Variants in LARGE1 observed in about 807,000 individuals in gnomAD.
LARGE1 encodes the protein xylosyl- and glucuronyltransferase LARGE1.
A neutral mutation model predicts 87.6 loss-of-function variants in LARGE1; 43 were observed. The ratio of observed to expected loss-of-function variants is 0.49; its 90% CI spans 0.38 to 0.63. LARGE1 has a LOEUF of 0.63. Among genes scored for constraint, LARGE1 ranks in the 30% least tolerant of loss-of-function variants. The pLI, the probability that LARGE1 is intolerant of heterozygous loss-of-function variation, is 0.00. For missense variants in LARGE1, 802 were observed against 1,000.2 expected, an observed-to-expected ratio of 0.80 and a Z score of 2.67; for synonymous variants, 434 against 394.6, an observed-to-expected ratio of 1.10 and a Z score of -1.18.
At chr22:33,712,397 G>C (rs770417068) in intron 2 of LARGE1, among the ~76,000 whole-genome samples, 2 of 152,092 alleles carry the variant, frequency 1.3e-5, no homozygotes, top group Non-Finnish European at 2.9e-5. Flanking sequence ...CAGGCTCGAA[G>C]GCTTCTAGAG....
the LARGE1 span, among the ~76,000 whole-genome samples, chr22:33,089,470 T>TTCTTCTTCTTCC: frequency 6.6e-6 from 1 of 150,590 alleles, no homozygotes; most frequent in South Asian, 2.1e-4. Context: ...CTTCCTCTTC[T>TTCTTCTTCTTCC]TCTTCCTCTT....
chr22:33,136,942 AAAAT>A, the LARGE1 span, among the ~76,000 whole-genome samples: 1 of 152,238 alleles, frequency 6.6e-6, no homozygotes, highest in East Asian at 1.9e-4. Flanking sequence ...GGTAAAAAAA[AAAAT>A]AAACTGGAGA....
At chr22:33,464,340 G>A (rs185043568) in intron 6 of LARGE1, among the ~76,000 whole-genome samples, 86 of 152,044 alleles carry the variant, frequency 5.7e-4, no homozygotes, top group Non-Finnish European at 7.5e-4. Context: ...TTCATAAGTC[G>A]AATCCAAAAA....
At chr22:33,813,682 C>G (rs917306962) in intron 1 of LARGE1, among the ~76,000 whole-genome samples, 2 of 152,180 alleles carry the variant, frequency 1.3e-5, no homozygotes, top group African/African-American at 4.8e-5. Context: ...GTAAAGATCT[C>G]ATGGTGAAAT....
At chr22:33,812,606 C>T (rs763051762) in intron 1 of LARGE1, among the ~76,000 whole-genome samples, 1 of 152,208 alleles carries the variant, frequency 6.6e-6, no homozygotes, top group African/African-American at 2.4e-5. Context: ...GCACAGATGG[C>T]GCAGGCCTCA....
At chr22:33,736,078 A>G (rs1294060059) in intron 2 of LARGE1, among the ~76,000 whole-genome samples, 1 of 152,188 alleles carries the variant, frequency 6.6e-6, no homozygotes, top group African/African-American at 2.4e-5. Flanking sequence ...CTTGGTTATC[A>G]TGAATAATGC....
At chr22:33,519,574 G>A (rs963474762) in intron 6 of LARGE1, among the ~76,000 whole-genome samples, 1 of 152,036 alleles carries the variant, frequency 6.6e-6, no homozygotes. Flanking sequence ...CACCCACACT[G>A]GGAGTTTATT....
intron 6 of LARGE1, among the ~76,000 whole-genome samples, chr22:33,546,631 C>A (rs1329584615): frequency 2.6e-5 from 4 of 152,116 alleles, no homozygotes; most frequent in African/African-American, 9.7e-5. Flanking sequence ...GTCACCCAGG[C>A]GGGAGTGCAA....
chr22:33,720,953 G>A lies in LARGE1; in HGVS notation c.106+40418C>T, dbSNP rs374231802. Among the ~76,000 whole-genome samples the A allele has an allele frequency of 2.6e-5, 4 of 152,244 alleles. No homozygotes were observed. In the East Asian group the frequency reaches 7.7e-4, roughly 29 times the overall value. ...AAGCAGGGAAAGAGAGCCTGCTTTG[G>A]GTGGGTAATTTTTGGGGTCCTTAGT... On this transcript the variant is annotated intron_variant, in intron 2 of 14. Transcript: ENST00000397394.
chr22:33,455,341 T>C (rs2068088864), intron 6 of LARGE1, among the ~76,000 whole-genome samples: 2 of 152,224 alleles, frequency 1.3e-5, no homozygotes, highest in African/African-American at 2.4e-5. Context: ...CCAAACCTTT[T>C]ATGTCATTTC....
intron 1 of LARGE1, among the ~76,000 whole-genome samples, chr22:33,803,303 T>C (rs952470969): frequency 6.6e-6 from 1 of 152,182 alleles, no homozygotes; most frequent in Non-Finnish European, 1.5e-5. Context: ...AGCTTCCATA[T>C]TGCCTGATAT....
intron 6 of LARGE1, among the ~76,000 whole-genome samples, chr22:33,523,959 G>A (rs568844925): frequency 6.6e-6 from 1 of 151,804 alleles, no homozygotes; most frequent in Admixed American, 6.6e-5. Flanking sequence ...AGAGAACTGT[G>A]CCATCATCAC....
intron 6 of LARGE1, among the ~76,000 whole-genome samples, chr22:33,564,348 T>C (rs1602457035): frequency 6.6e-6 from 1 of 151,948 alleles, no homozygotes; most frequent in African/African-American, 2.4e-5. Context: ...ATAATAGCTA[T>C]AAAGAAACCC....
At chr22:33,551,315 A>G (rs1281882054) in intron 6 of LARGE1, among the ~76,000 whole-genome samples, 1 of 152,226 alleles carries the variant, frequency 6.6e-6, no homozygotes, top group Non-Finnish European at 1.5e-5. Flanking sequence ...CTGTGCAGAG[A>G]TAAGAGTGGA....
chr22:33,892,963 G>A (rs148944214), intron 1 of LARGE1, among the ~76,000 whole-genome samples: 6 of 152,322 alleles, frequency 3.9e-5, no homozygotes, highest in African/African-American at 1.4e-4. Context: ...GTGAGGGAAG[G>A]GGATTAAAAA....
intron 6 of LARGE1, among the ~76,000 whole-genome samples, chr22:33,434,310 T>C (rs2067186806): frequency 6.6e-6 from 1 of 152,154 alleles, no homozygotes; most frequent in African/African-American, 2.4e-5. Context: ...GGGTCTTTTG[T>C]TTTGTTTTTG....
At chr22:33,486,685 G>A (rs568830943) in intron 6 of LARGE1, among the ~76,000 whole-genome samples, 6 of 152,262 alleles carry the variant, frequency 3.9e-5, no homozygotes, top group South Asian at 4.1e-4. Context: ...TTTAAATACC[G>A]CTTTGGCAAC....
chr22:33,495,651 G>T (rs5994757), intron 6 of LARGE1, among the ~76,000 whole-genome samples: 1 of 151,552 alleles, frequency 6.6e-6, no homozygotes, highest in Non-Finnish European at 1.5e-5. Context: ...CCTGGGAGGC[G>T]GAGGTTGCAG....
chr22:33,455,943 A>T (rs2068115154), intron 6 of LARGE1, among the ~76,000 whole-genome samples: 1 of 152,106 alleles, frequency 6.6e-6, no homozygotes, highest in South Asian at 2.1e-4. Context: ...ATCTAACTCT[A>T]ATTGGTGGAC....
Sources: gnomAD v4.1 joint callset for allele counts (sites outside exome capture counted in the v4.1 genomes callset) on GRCh38, gnomAD v4.1.1 for gene constraint, MANE v1.5 for transcripts, NCBI Gene and HGNC (gene_info 2026-07-23, HGNC 2026-07-21) for gene names.